TBCA: variants seen among roughly 807,000 people sequenced by gnomAD.
The protein encoded by TBCA is tubulin-specific chaperone A.
In TBCA, 6 loss-of-function variants were observed where a neutral mutation model predicts 15.8. The ratio of observed to expected loss-of-function variants is 0.38; its 90% CI spans 0.21 to 0.75. The LOEUF (loss-of-function observed/expected upper bound fraction) is 0.75, where lower values mean the gene tolerates loss of function less well. Among genes scored for constraint, TBCA ranks in the 30% least tolerant of loss-of-function variants. TBCA has a pLI of 0.46. For synonymous variants in TBCA, 32 were observed against 42.3 expected (o/e 0.76, Z 0.94); for missense variants, 90 against 131.2 (o/e 0.69, Z 1.53).
At chr5:77,697,531 C>CA (rs776736488) in intron 2 of TBCA, among the ~76,000 whole-genome samples, 2 of 149,960 alleles carry the variant, frequency 1.3e-5, no homozygotes, top group South Asian at 2.1e-4. Flanking sequence ...GCCCATGGGC[C>CA]AAAAAAAAGT....
intron 3 of TBCA, chr5:77,691,824 T>A (rs3776919): frequency 2.0e-6 from 2 of 1,022,500 alleles, no homozygotes; most frequent in Non-Finnish European, 2.3e-6. Context: ...ATCATCATCA[T>A]ACAAAAGAGA....
chr5:77,732,542 C>T lies in TBCA; in HGVS notation c.54-24195G>A, dbSNP rs553130265. On this transcript the variant is annotated intron_variant, in intron 1 of 3. Transcript: ENST00000380377. Reference sequence around the variant, plus strand: ...CTCCAGTCTGGGCGACAGAGTGAGACTCTGTCTCAAAAAAAAAAAAAAAAA... The same window carrying T: ...CTCCAGTCTGGGCGACAGAGTGAGATTCTGTCTCAAAAAAAAAAAAAAAAA... Among the ~76,000 whole-genome samples, 37 of 98,946 alleles carry T rather than the reference C, an allele frequency of 3.7e-4. No individual in the cohort carries two copies. The Admixed American group carries it at 4.3e-3, about 12-fold the overall frequency. 64.9% of individuals were successfully genotyped at this position (98,946 alleles called of 152,430 possible). A position where few individuals can be genotyped will look rare whatever the true frequency, so the allele number is the denominator to read the frequency against.
intron 1 of TBCA, among the ~76,000 whole-genome samples, chr5:77,759,552 G>A (rs949679953): frequency 6.6e-6 from 1 of 152,088 alleles, no homozygotes; most frequent in Non-Finnish European, 1.5e-5. Context: ...TTTGGTTTAC[G>A]CATCAAAGCA....
At chr5:77,774,806 C>A in intron 1 of TBCA, among the ~76,000 whole-genome samples, 1 of 152,080 alleles carries the variant, frequency 6.6e-6, no homozygotes, top group East Asian at 1.9e-4. Context: ...CAGGTACTTT[C>A]TTGGTTTACA....
intron 1 of TBCA, among the ~76,000 whole-genome samples, chr5:77,757,608 T>A (rs188189700): frequency 1.4e-4 from 22 of 152,324 alleles, no homozygotes; most frequent in African/African-American, 5.1e-4. Flanking sequence ...ATTGTCCTGT[T>A]GGTTTGAGCC....
At chr5:77,745,395 T>A (rs537087402) in intron 1 of TBCA, among the ~76,000 whole-genome samples, 12 of 152,350 alleles carry the variant, frequency 7.9e-5, no homozygotes, top group African/African-American at 2.9e-4. Flanking sequence ...TATTTGTAAT[T>A]CAAAGTACTG....
At chr5:77,766,428 T>C (rs953234942) in intron 1 of TBCA, among the ~76,000 whole-genome samples, 1 of 152,062 alleles carries the variant, frequency 6.6e-6, no homozygotes, top group Non-Finnish European at 1.5e-5. Context: ...AAAATGTCTA[T>C]TTGAGGGTGG....
At chr5:77,757,090 C>T (rs1420969882) in intron 1 of TBCA, among the ~76,000 whole-genome samples, 1 of 152,088 alleles carries the variant, frequency 6.6e-6, no homozygotes, top group Non-Finnish European at 1.5e-5. Context: ...GAATTTTAGC[C>T]AATTCAGAGG....
chr5:77,751,033 G>A (rs1747317087), intron 1 of TBCA, among the ~76,000 whole-genome samples: 2 of 152,106 alleles, frequency 1.3e-5, no homozygotes, highest in African/African-American at 2.4e-5. Context: ...CAGGTAGCAA[G>A]CTTCAGAGAA....
At chr5:77,748,371 G>A (rs1233238336) in intron 1 of TBCA, among the ~76,000 whole-genome samples, 1 of 151,432 alleles carries the variant, frequency 6.6e-6, no homozygotes, top group East Asian at 1.9e-4. Flanking sequence ...TGTGTGGAGA[G>A]AGAGATATGG....
At chr5:77,739,353 C>G (rs183637614) in intron 1 of TBCA, among the ~76,000 whole-genome samples, 1 of 152,094 alleles carries the variant, frequency 6.6e-6, no homozygotes. Flanking sequence ...CCCAGCTACT[C>G]AGGAGGCTGA....
intron 1 of TBCA, among the ~76,000 whole-genome samples, chr5:77,753,898 A>G (rs1747413999): frequency 6.6e-6 from 1 of 152,118 alleles, no homozygotes; most frequent in Admixed American, 6.5e-5. Context: ...AGCTGGGATT[A>G]CAGGCATGCA....
intron 1 of TBCA, among the ~76,000 whole-genome samples, chr5:77,741,322 A>G (rs1363318078): frequency 6.6e-6 from 1 of 152,216 alleles, no homozygotes; most frequent in Non-Finnish European, 1.5e-5. Context: ...GGTAGAGGTT[A>G]GAGACACAGG....
chr5:77,769,899 A>G (rs1470349753), intron 1 of TBCA, among the ~76,000 whole-genome samples: 2 of 152,226 alleles, frequency 1.3e-5, no homozygotes, highest in African/African-American at 4.8e-5. Flanking sequence ...TGTCAGTGCT[A>G]TTTCCAATGC....
At chr5:77,754,409 G>GT (rs1269798269) in intron 1 of TBCA, among the ~76,000 whole-genome samples, 44 of 152,112 alleles carry the variant, frequency 2.9e-4, no homozygotes, top group Non-Finnish European at 2.9e-5. Context: ...CCTACAATGC[G>GT]TTTTTTAAAT....
chr5:77,753,554 G>A (rs954466963), intron 1 of TBCA, among the ~76,000 whole-genome samples: 1 of 152,212 alleles, frequency 6.6e-6, no homozygotes, highest in Non-Finnish European at 1.5e-5. Context: ...TAAGGCAGCA[G>A]GGTATAGCTT....
intron 2 of TBCA, 55 bp downstream of exon 2, chr5:77,708,187 A>T: frequency 8.2e-7 from 1 of 1,213,776 alleles, no homozygotes; most frequent in Non-Finnish European, 1.2e-6. Flanking sequence ...AAACTACATT[A>T]GTTAATATGG....
At chr5:77,734,811 A>G (rs1192106850) in intron 1 of TBCA, among the ~76,000 whole-genome samples, 1 of 152,180 alleles carries the variant, frequency 6.6e-6, no homozygotes, top group Admixed American at 6.5e-5. Context: ...TCAATGCAGC[A>G]ATCTTCATTG....
chr5:77,701,674 G>C (rs1746017725), intron 2 of TBCA, among the ~76,000 whole-genome samples: 1 of 126,824 alleles, frequency 7.9e-6, no homozygotes. Context: ...TGGATAAACT[G>C]TGGCATGCAT....
Sources: allele counts gnomAD v4.1 joint callset (sites outside exome capture counted in the v4.1 genomes callset), GRCh38; gene constraint gnomAD v4.1.1; transcripts MANE v1.5; gene names NCBI Gene and HGNC (gene_info 2026-07-23, HGNC 2026-07-21).